Variants in NUP210 observed in about 807,000 individuals in gnomAD.
NUP210 encodes the protein nucleoporin 210, also known as nuclear pore membrane glycoprotein 210.
NUP210 carries 151 observed loss-of-function variants against 196.0 expected under a neutral mutation model. The observed-to-expected ratio is 0.77, with a 90% confidence interval of 0.67 to 0.88. The LOEUF (loss-of-function observed/expected upper bound fraction) is 0.88, where lower values mean the gene tolerates loss of function less well. Among genes scored for constraint, NUP210 ranks in the 40% least tolerant of loss-of-function variants. The probability of loss-of-function intolerance (pLI) is 0.00; values close to 1 mark genes in which losing one functional copy is unlikely to be tolerated. For synonymous variants in NUP210, 1,070 were observed against 1,052.7 expected (o/e 1.02, Z -0.32); for missense variants, 2,314 against 2,493.7 (o/e 0.93, Z 1.53).
intron 1 of NUP210, among the ~76,000 whole-genome samples, chr3:13,403,133 T>C (rs1339049189): frequency 6.6e-6 from 1 of 152,244 alleles, no homozygotes; most frequent in Non-Finnish European, 1.5e-5. Context: ...CTAAATATCA[T>C]GCTTCTGACA....
intron 13 of NUP210, among the ~76,000 whole-genome samples, chr3:13,368,975 G>A (rs1007426251): frequency 2.0e-5 from 3 of 152,144 alleles, no homozygotes; most frequent in African/African-American, 7.2e-5. Context: ...TGGATCATAC[G>A]GTAACTCCAT....
intron 16 of NUP210, among the ~76,000 whole-genome samples, chr3:13,356,781 C>G (rs1698185632): frequency 6.6e-6 from 1 of 152,186 alleles, no homozygotes; most frequent in Admixed American, 6.5e-5. Context: ...TATTTTCTGG[C>G]GACATCTATG....
chr3:13,406,023 G>T (rs976661802), intron 1 of NUP210, among the ~76,000 whole-genome samples: 5 of 152,152 alleles, frequency 3.3e-5, no homozygotes, highest in African/African-American at 9.7e-5. Context: ...TAATACGAAA[G>T]ATAATGTCAA....
At chr3:13,318,371 C>T (rs1308685234) in intron 39 of NUP210, among the ~76,000 whole-genome samples, 2 of 152,172 alleles carry the variant, frequency 1.3e-5, no homozygotes. Flanking sequence ...GTGGGCTCTC[C>T]TTACCCAGGA....
chr3:13,352,025 G>A, intron 19 of NUP210, 45 bp from the exon 20 acceptor site: 3 of 1,599,870 alleles, frequency 1.9e-6, no homozygotes, highest in Non-Finnish European at 2.6e-6. Context: ...ATGTGGGAGG[G>A]CGAGGAGTCC....
At position 13,337,562 on chromosome 3, in the gene NUP210, GGAGTT is replaced by G. The variant is rs145048080; in HGVS notation, c.3552+270_3552+274del. 3.1e-3 allele frequency among the ~76,000 whole-genome samples: 468 copies of G among 152,354 alleles called. 3 individuals carry two copies. Among genetic ancestry groups the G allele is most frequent in the African/African-American group, 0.01 (436 of 41,578 alleles). Reference sequence around the variant, plus strand: ...AATGGATTAATGTCCAAGACAGCACGGAGTTGAGTTAAGTGCCACAGTCACTGTGC... The same window carrying G: ...AATGGATTAATGTCCAAGACAGCACGGAGTTAAGTGCCACAGTCACTGTGC... On this transcript the variant is annotated intron_variant, in intron 26 of 39. Coordinates refer to ENST00000254508, the MANE Select transcript of NUP210 (RefSeq NM_024923.4).
At chr3:13,365,847 G>T in intron 14 of NUP210, 99 bp downstream of exon 14, 1 of 1,304,320 alleles carries the variant, frequency 7.7e-7, no homozygotes, top group South Asian at 1.3e-5. Flanking sequence ...TATTTTGAAG[G>T]AATCGGGTTT....
chr3:13,398,996 C>T (rs1012945137), intron 2 of NUP210, among the ~76,000 whole-genome samples: 4 of 152,034 alleles, frequency 2.6e-5, no homozygotes, highest in Admixed American at 1.3e-4. Context: ...GGGCCAGGTG[C>T]GGTAGCTCCC....
At chr3:13,371,247 T>G (rs771240759) in intron 13 of NUP210, among the ~76,000 whole-genome samples, 5 of 152,152 alleles carry the variant, frequency 3.3e-5, no homozygotes, top group Non-Finnish European at 7.4e-5. Flanking sequence ...ATGTGTGACC[T>G]TAGGCAGCTA....
intron 29 of NUP210, among the ~76,000 whole-genome samples, chr3:13,330,906 C>A (rs1014573357): frequency 9.8e-5 from 15 of 152,322 alleles, no homozygotes; most frequent in African/African-American, 3.6e-4. Context: ...GGTCAGCCAG[C>A]AGGGAGGGAG....
At chr3:13,351,168 G>C (rs926630008) in intron 20 of NUP210, among the ~76,000 whole-genome samples, 8 of 152,142 alleles carry the variant, frequency 5.3e-5, no homozygotes, top group African/African-American at 1.9e-4. Flanking sequence ...AATAAAAGCA[G>C]AACATTAAAT....
At chr3:13,386,442 C>A in intron 5 of NUP210, 35 bp from the exon 6 acceptor site, 1 of 1,611,966 alleles carries the variant, frequency 6.2e-7, no homozygotes, top group Non-Finnish European at 8.5e-7. Flanking sequence ...AAGTGAGGTG[C>A]GGACAGGGAA....
intron 39 of NUP210, 106 bp from the exon 40 acceptor site, chr3:13,317,887 C>G (rs1170908845): frequency 2.6e-6 from 2 of 768,026 alleles, no homozygotes; most frequent in Admixed American, 2.4e-5. Flanking sequence ...AGGACACTCT[C>G]ACAGTGATGC....
chr3:13,325,885 G>C lies in NUP210; in HGVS notation c.4554C>G (p.Ile1518Met), dbSNP rs372792504. ...WSSSANSILH[I>M]DPKTGVAVAR... ...CCACAGCCACACCCGTCTTGGGGTC[G>C]ATGTGGAGGATGCTGTTGGCCGAGG... is the stretch of plus-strand genomic sequence containing the variant. The change falls in exon 33 of 40, where the codon ATC (isoleucine) becomes ATG (methionine). Residue 1518 changes from isoleucine to methionine, a missense_variant. Physicochemically the swap from Ile to Met is conservative, Grantham distance 10. Coordinates refer to ENST00000254508, the MANE Select transcript of NUP210 (RefSeq NM_024923.4). 1.5e-5 allele frequency: 25 copies of C among 1,613,978 alleles called. No homozygotes were observed. In the Admixed American group the frequency reaches 3.2e-4, roughly 20 times the overall value.
At chr3:13,409,547 T>C (rs892242097) in intron 1 of NUP210, among the ~76,000 whole-genome samples, 1 of 152,222 alleles carries the variant, frequency 6.6e-6, no homozygotes, top group Non-Finnish European at 1.5e-5. Context: ...CATGAACATT[T>C]CATTTGCTTC....
chr3:13,369,013 T>G (rs1211616269), intron 13 of NUP210, among the ~76,000 whole-genome samples: 2 of 152,208 alleles, frequency 1.3e-5, no homozygotes, highest in Non-Finnish European at 1.5e-5. Context: ...ACCACCATAC[T>G]GCTTTCCACA....
In NUP210 at chr3:13,399,039, T is replaced by TG. The variant is rs1250489715; in HGVS notation, c.304+685dup. ...ATCCCAACACTTTGGGAGGCTGAGG[T>TG]GGGTGGATCATGAGGTCAGGAGTTC... is the stretch of plus-strand genomic sequence containing the variant. On this transcript the variant is annotated intron_variant, in intron 2 of 39. Coordinates refer to ENST00000254508, the MANE Select transcript of NUP210 (RefSeq NM_024923.4). Among the ~76,000 whole-genome samples, 3 of 151,992 alleles carry TG rather than the reference T, an allele frequency of 2.0e-5. No individual in the cohort carries two copies. The South Asian group carries it at 6.2e-4, about 32-fold the overall frequency.
intron 1 of NUP210, among the ~76,000 whole-genome samples, chr3:13,413,965 T>C (rs2623486): frequency 4.9e-4 from 74 of 152,056 alleles, no homozygotes; most frequent in African/African-American, 1.7e-3. Context: ...TTTGAAAGAG[T>C]GAATTTTTCT....
At chr3:13,381,325 G>A (rs1699090261) in intron 6 of NUP210, among the ~76,000 whole-genome samples, 1 of 152,092 alleles carries the variant, frequency 6.6e-6, no homozygotes, top group Non-Finnish European at 1.5e-5. Context: ...ACATAGCACA[G>A]ATGTAACCCT....
Sources: allele counts gnomAD v4.1 joint callset (sites outside exome capture counted in the v4.1 genomes callset), GRCh38; gene constraint gnomAD v4.1.1; transcripts MANE v1.5; gene names NCBI Gene and HGNC (gene_info 2026-07-23, HGNC 2026-07-21).